Variants in DNAH7 observed in about 807,000 individuals in gnomAD.
DNAH7 encodes axonemal beta dynein heavy chain 7.
Under a neutral mutation model 444.6 loss-of-function variants are expected in DNAH7, and 397 were observed. The observed-to-expected ratio is 0.89, with a 90% CI of 0.82 to 0.97. The LOEUF is 0.97. Among genes scored for constraint, DNAH7 ranks in the 50% least tolerant of loss-of-function variants. The probability of loss-of-function intolerance (pLI) is 0.00; values close to 1 mark genes in which losing one functional copy is unlikely to be tolerated. For synonymous variants in DNAH7, 1,636 were observed against 1,624.4 expected (o/e 1.01, Z -0.17); for missense variants, 4,902 against 4,800.8 (o/e 1.02, Z -0.62).
chr2:195,769,639 C>T (rs1339339379), intron 61 of DNAH7, among the ~76,000 whole-genome samples: 5 of 152,026 alleles, frequency 3.3e-5, no homozygotes, highest in Admixed American at 2.6e-4. Context: ...TCTCCTCTCA[C>T]GGCTGCCTGG....
intron 20 of DNAH7, 24 bp from the exon 21 acceptor site, chr2:195,934,813 A>T (rs755605134): frequency 1.2e-6 from 2 of 1,612,096 alleles, no homozygotes; most frequent in Non-Finnish European, 1.7e-6. Context: ...CATTTTTAAG[A>T]TAATTAACCA....
chr2:196,030,487 A>C (rs149399023), intron 5 of DNAH7, among the ~76,000 whole-genome samples: 1 of 152,334 alleles, frequency 6.6e-6, no homozygotes, highest in East Asian at 1.9e-4. Context: ...ACGGTCTCCT[A>C]AAGTCTTAAC....
chr2:195,946,429 A>G (rs1038425514), intron 19 of DNAH7, among the ~76,000 whole-genome samples: 21 of 152,298 alleles, frequency 1.4e-4, no homozygotes, highest in African/African-American at 4.8e-4. Flanking sequence ...GAGATACTCA[A>G]GATGAAGTCC....
chr2:195,911,422 T>A lies in DNAH7; in HGVS notation c.3936-1227A>T, dbSNP rs528822145. 2.0e-5 allele frequency among the ~76,000 whole-genome samples: 3 copies of A among 152,198 alleles called. No homozygotes were observed. In the South Asian group the frequency reaches 6.2e-4, roughly 32 times the overall value. On this transcript the variant is annotated intron_variant, in intron 24 of 64. Transcript: ENST00000312428. ...ATACAGAGACTGAATGTAAGAAAAGTTAAGAGACATAGAAGGAAGAAAATG... is the reference window on the plus strand; with the variant it reads ...ATACAGAGACTGAATGTAAGAAAAGATAAGAGACATAGAAGGAAGAAAATG...
At chr2:195,984,137 ACC>A (rs766785595) in intron 15 of DNAH7, among the ~76,000 whole-genome samples, 9 of 152,128 alleles carry the variant, frequency 5.9e-5, no homozygotes, top group Non-Finnish European at 1.2e-4. Context: ...ATGAGAACAC[ACC>A]CAGATGAGCC....
At chr2:195,748,270 G>C (rs879251724) in intron 63 of DNAH7, among the ~76,000 whole-genome samples, 2 of 152,110 alleles carry the variant, frequency 1.3e-5, no homozygotes, top group African/African-American at 4.8e-5. Flanking sequence ...TAGGAATCCA[G>C]CTTACAAGGG....
chr2:196,001,695 C>A lies in DNAH7; in HGVS notation c.1153G>T (p.Asp385Tyr). 1.3e-6 allele frequency: 2 copies of A among 1,579,042 alleles called. No individual in the cohort carries two copies. The highest frequency in any genetic ancestry group is 1.7e-6 in the Non-Finnish European group (2 of 1,162,880). Residue 385 changes from aspartate to tyrosine, a missense_variant, in exon 11 of 65, where the codon GAC (aspartate) becomes TAC (tyrosine). Transcript: ENST00000312428. ...LTLVSMQDFT[D>Y]LIAQPPDSVR... The stretch of plus-strand genomic sequence containing the variant: ...CTTACTGGGGGTTGTGCAATTAAGT[C>A]CGTGAAATCTTGCATGGAGACTAAA...
intron 27 of DNAH7, chr2:195,903,987 C>A (rs762834133): frequency 2.6e-5 from 4 of 152,126 alleles, no homozygotes; most frequent in African/African-American, 7.2e-5. Context: ...GATTTATGAG[C>A]GGTACACAAC....
At chr2:195,898,750 G>A (rs892336285) in intron 28 of DNAH7, among the ~76,000 whole-genome samples, 1 of 152,160 alleles carries the variant, frequency 6.6e-6, no homozygotes, top group Non-Finnish European at 1.5e-5. Flanking sequence ...CATGCACTAA[G>A]TTAGTTTAAT....
At chr2:196,011,434 G>A (rs1055714024) in intron 10 of DNAH7, among the ~76,000 whole-genome samples, 2 of 151,958 alleles carry the variant, frequency 1.3e-5, no homozygotes, top group African/African-American at 2.4e-5. Context: ...TACTTGTAGG[G>A]AATAATAATA....
At chr2:195,739,104 A>C (rs1202574774) in intron 64 of DNAH7, among the ~76,000 whole-genome samples, 1 of 152,212 alleles carries the variant, frequency 6.6e-6, no homozygotes, top group Non-Finnish European at 1.5e-5. Context: ...TATTCAGGAG[A>C]ATCATTATCC....
In DNAH7 at chr2:195,855,987, C is replaced by T. The variant is rs559947978; in HGVS notation, c.8419G>A (p.Ala2807Thr). The change falls in exon 45 of 65, where the codon GCA (alanine) becomes ACA (threonine). Residue 2807 changes from alanine to threonine, a missense_variant. Transcript: ENST00000312428. ...ATCTTTTTGGGAGCTACTATTTTTG[C>T]CACTCTGCAAAAAGTAAAATTGAAA... ...VIAMDSYDKV[A>T]KIVAPKKIKL... 1.5e-5 allele frequency: 24 copies of T among 1,606,888 alleles called. No individual in the cohort carries two copies. Among genetic ancestry groups the T allele is most frequent in the Admixed American group, 3.4e-5 (2 of 58,496 alleles).
chr2:195,967,112 T>C (rs1574907351), intron 17 of DNAH7, among the ~76,000 whole-genome samples: 1 of 152,124 alleles, frequency 6.6e-6, no homozygotes, highest in South Asian at 2.1e-4. Flanking sequence ...TCATTTTTTG[T>C]TTATCTGTTG....
intron 27 of DNAH7, chr2:195,904,894 T>C (rs1686921707): frequency 6.6e-6 from 1 of 152,256 alleles, no homozygotes; most frequent in South Asian, 2.1e-4. Flanking sequence ...TTAAGGAATA[T>C]GTAACTCTTT....
At chr2:195,913,361 G>T (rs1340019259) in intron 24 of DNAH7, among the ~76,000 whole-genome samples, 3 of 151,970 alleles carry the variant, frequency 2.0e-5, no homozygotes, top group Non-Finnish European at 4.4e-5. Context: ...ACCTTTAAGA[G>T]AATAGAAACA....
intron 42 of DNAH7, among the ~76,000 whole-genome samples, chr2:195,859,122 G>A (rs1699881930): frequency 6.6e-6 from 1 of 152,162 alleles, no homozygotes; most frequent in African/African-American, 2.4e-5. Context: ...AATGAATGAT[G>A]TACCTCTAAA....
chr2:195,925,915 T>A (rs890891434), intron 22 of DNAH7, among the ~76,000 whole-genome samples: 23 of 152,206 alleles, frequency 1.5e-4, no homozygotes, highest in African/African-American at 5.5e-4. Flanking sequence ...AATTAATATA[T>A]CCAATTATAT....
chr2:195,744,027 A>G (rs929411022), intron 63 of DNAH7, among the ~76,000 whole-genome samples: 3 of 152,224 alleles, frequency 2.0e-5, no homozygotes, highest in Non-Finnish European at 4.4e-5. Flanking sequence ...CAGTGGGTGC[A>G]GCGCACCATG....
At chr2:195,911,081 C>T (rs1189178815) in intron 24 of DNAH7, among the ~76,000 whole-genome samples, 1 of 152,136 alleles carries the variant, frequency 6.6e-6, no homozygotes, top group African/African-American at 2.4e-5. Context: ...CTACTAAAAC[C>T]AGCTCACAGT....
Sources: allele counts gnomAD v4.1 joint callset (sites outside exome capture counted in the v4.1 genomes callset), GRCh38; gene constraint gnomAD v4.1.1; transcripts MANE v1.5; gene names NCBI Gene and HGNC (gene_info 2026-07-23, HGNC 2026-07-21).